The following DPYS variants were observed in gnomAD, a reference collection of about 807,000 sequenced individuals.
DPYS encodes dihydropyrimidine amidohydrolase.
DPYS carries 39 observed loss-of-function variants against 50.3 expected under a neutral mutation model. That is an observed-to-expected ratio of 0.78 (90% CI 0.60 to 1.01). The LOEUF (loss-of-function observed/expected upper bound fraction) is 1.01. Among genes scored for constraint, DPYS ranks in the 50% least tolerant of loss-of-function variants. The pLI, the probability that DPYS is intolerant of heterozygous loss-of-function variation, is 0.00. For synonymous variants in DPYS, 245 were observed against 250.7 expected (o/e 0.98, Z 0.22); for missense variants, 659 against 680.9 (o/e 0.97, Z 0.36).
At chr8:104,406,795 G>A (rs767690778) in intron 7 of DPYS, among the ~76,000 whole-genome samples, 5 of 152,106 alleles carry the variant, frequency 3.3e-5, no homozygotes, top group South Asian at 2.1e-4. Context: ...ATCTATGCAC[G>A]TATATATGCA....
In DPYS at chr8:104,399,608, G is replaced by A. The variant is rs1318445162; in HGVS notation, c.1236-6617C>T. On this transcript the variant is annotated intron_variant, in intron 7 of 9. Coordinates refer to ENST00000351513, the MANE Select transcript of DPYS (RefSeq NM_001385.3). ...CCTGCAGCTGCGTGCGGTTGCTCACGCCTGTAATCCCAGCACTTTGGGAGG... is the reference window on the plus strand; with the variant it reads ...CCTGCAGCTGCGTGCGGTTGCTCACACCTGTAATCCCAGCACTTTGGGAGG... Among the ~76,000 whole-genome samples, 11 of 151,824 alleles carry A rather than the reference G, an allele frequency of 7.2e-5. No individual in the cohort carries two copies. The South Asian group carries it at 2.3e-3, about 32-fold the overall frequency.
At chr8:104,445,937 C>G (rs578109119) in intron 3 of DPYS, among the ~76,000 whole-genome samples, 309 of 151,998 alleles carry the variant, frequency 2.0e-3, no homozygotes, top group Non-Finnish European at 3.5e-3. Context: ...CCCAGCTACT[C>G]GGGAGGCTGA....
chr8:104,442,504 A>T (rs1046387427), intron 4 of DPYS, among the ~76,000 whole-genome samples: 1 of 152,236 alleles, frequency 6.6e-6, no homozygotes, highest in African/African-American at 2.4e-5. Context: ...TGGCAACAGC[A>T]CCATCTGGTG....
chr8:104,384,244 G>A (rs1209957712), intron 8 of DPYS, among the ~76,000 whole-genome samples: 2 of 152,210 alleles, frequency 1.3e-5, no homozygotes, highest in Non-Finnish European at 2.9e-5. Flanking sequence ...GACAACTTAA[G>A]TTCTACTCTC....
intron 7 of DPYS, among the ~76,000 whole-genome samples, chr8:104,401,021 T>A (rs1470552559): frequency 6.6e-6 from 1 of 152,174 alleles, no homozygotes; most frequent in Non-Finnish European, 1.5e-5. Flanking sequence ...GGAAGAGAAT[T>A]TCCTAGAGTA....
rs1814443140 is a variant in DPYS, at chr8:104,466,974, T to TGGGCGGGCC, written c.-63_-55dup. ...CCCGGGCTGCGCGCAGGGGCTGGGT[T>TGGGCGGGCC]GGGCGGGCCGGGCGGGCTTGGGGTG... is the stretch of plus-strand genomic sequence containing the variant. On this transcript the variant is annotated 5_prime_UTR_variant, in exon 1 of 10. Transcript: ENST00000351513. The TGGGCGGGCC allele has an allele frequency of 7.6e-6, 7 of 921,870 alleles. No individual in the cohort carries two copies. The highest frequency in any genetic ancestry group is 8.6e-6 in the Non-Finnish European group (6 of 699,878). 57.1% of individuals were successfully genotyped at this position (921,870 alleles called of 1,614,324 possible). A position where few individuals can be genotyped will look rare whatever the true frequency, so the allele number is the denominator to read the frequency against.
intron 6 of DPYS, among the ~76,000 whole-genome samples, chr8:104,425,355 A>C (rs1356818688): frequency 6.6e-6 from 1 of 152,080 alleles, no homozygotes; most frequent in Non-Finnish European, 1.5e-5. Context: ...CTGCCTCCCA[A>C]GCATTAGGTT....
intron 1 of DPYS, among the ~76,000 whole-genome samples, chr8:104,457,729 A>G (rs1308834622): frequency 2.0e-5 from 3 of 152,206 alleles, no homozygotes; most frequent in Non-Finnish European, 4.4e-5. Flanking sequence ...CATGGTCCCA[A>G]CGTCTGTCCC....
Position 104,424,248 on chromosome 8 carries a change from T to C in DPYS, c.1234A>G (p.Arg412Gly). 6.2e-7 allele frequency: 1 copy of C among 1,614,138 alleles called. No individual in the cohort carries two copies. The highest frequency in any genetic ancestry group is 8.5e-7 in the Non-Finnish European group (1 of 1,179,994). ...DIVIWDPKGT[R>G]TISAKTHHQA... ...AGGAATACAAGAACTTAGACTTACC[T>C]TGTGCCTTTTGGGTCCCAAATAACA... Residue 412 changes from arginine (R) to glycine (G), a missense_variant and splice_region_variant, in exon 7 of 10, where the codon AGG becomes GGG. Coordinates refer to ENST00000351513, the MANE Select transcript of DPYS (RefSeq NM_001385.3).
At chr8:104,389,168 G>A (rs934031824) in intron 8 of DPYS, among the ~76,000 whole-genome samples, 2 of 152,220 alleles carry the variant, frequency 1.3e-5, no homozygotes, top group Non-Finnish European at 2.9e-5. Context: ...GTCCAGAATA[G>A]GAAGTGATTA....
rs996332890 is a variant in DPYS at position 104,466,416 on chromosome 8, C to T, written c.264+241G>A. On this transcript the variant is annotated intron_variant, in intron 1 of 9. Coordinates refer to ENST00000351513, the MANE Select transcript of DPYS (RefSeq NM_001385.3). The stretch of plus-strand genomic sequence containing the variant: ...TCAAATTAACCACTAAAGGAGGAGT[C>T]GAGGGCATCTGGTTGAGCCAAGGCT... Among the ~76,000 whole-genome samples the T allele has an allele frequency of 4.6e-5, 7 of 152,158 alleles. No individual in the cohort carries two copies. In the East Asian group the frequency reaches 1.4e-3, roughly 29 times the overall value.
At chr8:104,428,582 T>C (rs1812819853) in intron 5 of DPYS, among the ~76,000 whole-genome samples, 1 of 152,226 alleles carries the variant, frequency 6.6e-6, no homozygotes, top group Non-Finnish European at 1.5e-5. Context: ...GGGCAGTCCC[T>C]AGCCACACGG....
intron 4 of DPYS, among the ~76,000 whole-genome samples, chr8:104,431,850 A>G (rs1246267319): frequency 6.6e-6 from 1 of 152,232 alleles, no homozygotes; most frequent in African/African-American, 2.4e-5. Context: ...TCATAGTATT[A>G]TAATATCATA....
chr8:104,457,904 A>AATCCAATCC (rs769699781), intron 1 of DPYS, among the ~76,000 whole-genome samples: 6 of 152,056 alleles, frequency 3.9e-5, no homozygotes, highest in Non-Finnish European at 8.8e-5. Context: ...TGTATCCCCA[A>AATCCAATCC]ATCCAATCCA....
intron 7 of DPYS, among the ~76,000 whole-genome samples, chr8:104,414,267 T>G (rs1046072137): frequency 6.6e-6 from 1 of 152,180 alleles, no homozygotes; most frequent in Non-Finnish European, 1.5e-5. Flanking sequence ...AATTGGACTT[T>G]TTTAGTTCCA....
intron 7 of DPYS, among the ~76,000 whole-genome samples, chr8:104,404,398 T>A (rs1811925760): frequency 6.6e-6 from 1 of 152,250 alleles, no homozygotes. Context: ...TTTTACCTAA[T>A]GCTCACTGCT....
intron 7 of DPYS, among the ~76,000 whole-genome samples, chr8:104,410,763 T>C (rs1250349626): frequency 1.3e-5 from 2 of 152,218 alleles, no homozygotes; most frequent in Non-Finnish European, 2.9e-5. Context: ...CTTGGCAGTC[T>C]GACAAGGACA....
At chr8:104,407,471 A>T (rs1398689122) in intron 7 of DPYS, among the ~76,000 whole-genome samples, 2 of 152,258 alleles carry the variant, frequency 1.3e-5, no homozygotes, top group Admixed American at 1.3e-4. Context: ...ACCTGTGAGT[A>T]GTGGAATTTA....
chr8:104,447,950 G>C (rs1813596045), intron 2 of DPYS, among the ~76,000 whole-genome samples: 1 of 152,182 alleles, frequency 6.6e-6, no homozygotes, highest in African/African-American at 2.4e-5. Context: ...GGAGAAAGTA[G>C]AAGATGCAGA....
Sources: allele counts gnomAD v4.1 joint callset (sites outside exome capture counted in the v4.1 genomes callset), GRCh38; gene constraint gnomAD v4.1.1; transcripts MANE v1.5; gene names NCBI Gene and HGNC (gene_info 2026-07-23, HGNC 2026-07-21).